The following ITPKB variants were observed in gnomAD, a reference collection of about 807,000 sequenced individuals.
The protein encoded by ITPKB is inositol-trisphosphate 3-kinase B.
In ITPKB, 13 loss-of-function variants were observed where a neutral mutation model predicts 69.4. The ratio of observed to expected loss-of-function variants is 0.19; its 90% CI spans 0.12 to 0.30. The LOEUF is 0.30. Ranked by LOEUF, ITPKB falls within the 10% of genes least tolerant of loss-of-function variation. The pLI is 1.00. For missense variants in ITPKB, 1,240 were observed against 1,250.5 expected (o/e 0.99, Z 0.13); for synonymous variants, 584 against 513.7 (o/e 1.14, Z -1.85).
At chr1:226,651,771 G>GT (rs746212181) in intron 2 of ITPKB, among the ~76,000 whole-genome samples, 18 of 152,156 alleles carry the variant, frequency 1.2e-4, no homozygotes, top group Non-Finnish European at 1.9e-4. Context: ...AAAGACCAGG[G>GT]GTCTAGAAAG....
chr1:226,715,078 A>G (rs913959335), intron 2 of ITPKB, among the ~76,000 whole-genome samples: 4 of 152,256 alleles, frequency 2.6e-5, no homozygotes, highest in African/African-American at 7.2e-5. Context: ...TTCTATTACT[A>G]TGATTTTAGA....
chr1:226,694,027 A>T (rs1373781582), intron 2 of ITPKB, among the ~76,000 whole-genome samples: 1 of 152,196 alleles, frequency 6.6e-6, no homozygotes, highest in African/African-American at 2.4e-5. Flanking sequence ...CATTTTGCCA[A>T]ATTGGATTCT....
chr1:226,710,356 C>T (rs1656915989), intron 2 of ITPKB, among the ~76,000 whole-genome samples: 1 of 152,116 alleles, frequency 6.6e-6, no homozygotes, highest in African/African-American at 2.4e-5. Context: ...AGTTTCAGGG[C>T]CCAGTGCAAA....
intron 2 of ITPKB, among the ~76,000 whole-genome samples, chr1:226,664,760 G>A (rs1479389306): frequency 3.3e-5 from 5 of 152,204 alleles, no homozygotes; most frequent in African/African-American, 1.2e-4. Flanking sequence ...GAAGCGAGCC[G>A]ATAAACTGCC....
intron 2 of ITPKB, among the ~76,000 whole-genome samples, chr1:226,666,081 C>T (rs1023726115): frequency 3.3e-5 from 5 of 152,154 alleles, no homozygotes; most frequent in Admixed American, 2.6e-4. Context: ...CAGACATGAC[C>T]GCAGAGGGCT....
chr1:226,717,568 T>C (rs1252247637), intron 2 of ITPKB, among the ~76,000 whole-genome samples: 1 of 152,200 alleles, frequency 6.6e-6, no homozygotes, highest in African/African-American at 2.4e-5. Context: ...GGAGACACTC[T>C]GCATCTGCTT....
intron 2 of ITPKB, among the ~76,000 whole-genome samples, chr1:226,652,845 G>A (rs1425936340): frequency 2.0e-5 from 3 of 152,254 alleles, no homozygotes; most frequent in Non-Finnish European, 4.4e-5. Context: ...CAGACCTGGG[G>A]CAGGTGGCCA....
intron 2 of ITPKB, among the ~76,000 whole-genome samples, chr1:226,717,546 G>A (rs548470902): frequency 2.6e-5 from 4 of 152,170 alleles, no homozygotes; most frequent in Non-Finnish European, 5.9e-5. Flanking sequence ...GGCGCCCAGA[G>A]GGAGGTGGCA....
chr1:226,707,854 C>A, intron 2 of ITPKB: 2 of 1,270,958 alleles, frequency 1.6e-6, no homozygotes, highest in South Asian at 2.8e-5. Flanking sequence ...TGCTATACAT[C>A]ATTCTTGGTA....
intron 2 of ITPKB, among the ~76,000 whole-genome samples, chr1:226,699,288 GGAT>G (rs1317350625): frequency 1.3e-5 from 2 of 152,242 alleles, no homozygotes; most frequent in African/African-American, 4.8e-5. Flanking sequence ...TGTACCTGGA[GGAT>G]GATCTCTGAG....
chr1:226,656,144 T>C (rs905251024), intron 2 of ITPKB, among the ~76,000 whole-genome samples: 1 of 152,178 alleles, frequency 6.6e-6, no homozygotes, highest in Non-Finnish European at 1.5e-5. Context: ...AAGCCTTCCA[T>C]TGCCCCTCCT....
intron 2 of ITPKB, among the ~76,000 whole-genome samples, chr1:226,706,920 C>T (rs1558091511): frequency 1.3e-5 from 2 of 152,170 alleles, no homozygotes; most frequent in Non-Finnish European, 1.5e-5. Context: ...ATCCAGGCAT[C>T]AGCTCTCAGC....
chr1:226,731,799 GAGA>G (rs1264422271), intron 2 of ITPKB, among the ~76,000 whole-genome samples: 4 of 152,052 alleles, frequency 2.6e-5, no homozygotes, highest in South Asian at 2.1e-4. Context: ...ATGTACCTGA[GAGA>G]AGAAGGGTAC....
chr1:226,719,092 A>G (rs1357422770), intron 2 of ITPKB, among the ~76,000 whole-genome samples: 1 of 152,216 alleles, frequency 6.6e-6, no homozygotes, highest in Non-Finnish European at 1.5e-5. Context: ...CCTGGGCAAC[A>G]TGGTGAAACC....
At chr1:226,635,591 C>G (rs1233318167) in intron 7 of ITPKB, among the ~76,000 whole-genome samples, 6 of 152,210 alleles carry the variant, frequency 3.9e-5, no homozygotes, top group Admixed American at 1.3e-4. Context: ...CTCCTAGAAC[C>G]TGACTCCTCC....
At chr1:226,695,345 A>G (rs1363808824) in intron 2 of ITPKB, among the ~76,000 whole-genome samples, 4 of 152,264 alleles carry the variant, frequency 2.6e-5, no homozygotes, top group African/African-American at 4.8e-5. Context: ...GCCAAAACCA[A>G]TAATAAAAGA....
At chr1:226,687,274 G>A (rs572488491) in intron 2 of ITPKB, among the ~76,000 whole-genome samples, 55 of 152,322 alleles carry the variant, frequency 3.6e-4, no homozygotes, top group Middle Eastern at 3.4e-3. Flanking sequence ...ATATAGAACC[G>A]TAAGTTATTC....
chr1:226,643,091 T>C (rs1668995440), intron 4 of ITPKB, among the ~76,000 whole-genome samples: 1 of 151,968 alleles, frequency 6.6e-6, no homozygotes, highest in South Asian at 2.1e-4. Context: ...AGAAAATGCT[T>C]CCAACTCAAC....
intron 2 of ITPKB, among the ~76,000 whole-genome samples, chr1:226,699,055 C>A (rs1401074471): frequency 6.6e-6 from 1 of 152,198 alleles, no homozygotes; most frequent in Non-Finnish European, 1.5e-5. Flanking sequence ...GGCCCTCTGG[C>A]CTCCCCTCAC....
Sources: allele counts gnomAD v4.1 joint callset (sites outside exome capture counted in the v4.1 genomes callset), GRCh38; gene constraint gnomAD v4.1.1; transcripts MANE v1.5; gene names NCBI Gene and HGNC (gene_info 2026-07-23, HGNC 2026-07-21).